The following TIAM1 variants were observed in gnomAD, a reference collection of about 807,000 sequenced individuals.
The protein encoded by TIAM1 is TIAM Rac1 associated GEF 1.
A neutral mutation model predicts 163.5 loss-of-function variants in TIAM1; 65 were observed. That is an observed-to-expected ratio of 0.40 (90% CI 0.33 to 0.49). TIAM1 has a LOEUF of 0.49. TIAM1 is among the 20% of genes least tolerant of loss of function. The pLI is 0.77. For synonymous variants in TIAM1, 833 were observed against 810.1 expected (o/e 1.03, Z -0.48); for missense variants, 1,789 against 2,044.7 (o/e 0.87, Z 2.41).
intron 13 of TIAM1, among the ~76,000 whole-genome samples, chr21:31,193,904 C>G (rs936968916): frequency 6.6e-6 from 1 of 152,146 alleles, no homozygotes; most frequent in Non-Finnish European, 1.5e-5. Flanking sequence ...GAACATGGCC[C>G]CCGCCAGGCA....
intron 1 of TIAM1, among the ~76,000 whole-genome samples, chr21:31,521,914 C>G (rs539996552): frequency 1.3e-5 from 2 of 152,230 alleles, no homozygotes; most frequent in South Asian, 2.1e-4. Context: ...CTCTGTCGCC[C>G]AGGCTGGAGT....
chr21:31,392,342 G>A (rs923151759), intron 2 of TIAM1, among the ~76,000 whole-genome samples: 18 of 152,090 alleles, frequency 1.2e-4, no homozygotes, highest in Admixed American at 3.3e-4. Context: ...AGGCAGAGGC[G>A]GGTAGATCAC....
intron 2 of TIAM1, among the ~76,000 whole-genome samples, chr21:31,281,846 A>G (rs115183104): frequency 0.012 from 1,884 of 152,132 alleles, 35 homozygotes; most frequent in African/African-American, 0.044. Context: ...TGGTGAATGG[A>G]TAATTGATGG....
intron 19 of TIAM1, among the ~76,000 whole-genome samples, chr21:31,152,047 TG>T (rs758996591): frequency 0.022 from 433 of 19,966 alleles, 37 homozygotes; most frequent in African/African-American, 0.08. Flanking sequence ...TTTTTTTTTT[TG>T]TAAGACGGAG....
chr21:31,183,112 T>A lies in TIAM1; in HGVS notation c.2663-467A>T, dbSNP rs1601449350. On this transcript the variant is annotated intron_variant, in intron 14 of 27. Transcript: ENST00000541036. The stretch of plus-strand genomic sequence containing the variant: ...TCCAAGGAACCAAAATGCAGGGCGT[T>A]CACTCTGGCTATGAGGACAGAAGTA... 2.6e-5 allele frequency among the ~76,000 whole-genome samples: 4 copies of A among 152,336 alleles called. No homozygotes were observed. The South Asian group carries it at 8.3e-4, about 32-fold the overall frequency.
intron 6 of TIAM1, 70 bp downstream of exon 6, chr21:31,245,418 G>A (rs1332681643): frequency 2.9e-6 from 3 of 1,046,106 alleles, no homozygotes; most frequent in Non-Finnish European, 3.8e-6. Flanking sequence ...GAGACTGGGT[G>A]CCTAGGCAAG....
intron 22 of TIAM1, among the ~76,000 whole-genome samples, chr21:31,140,110 T>C (rs1368740192): frequency 1.3e-5 from 2 of 152,146 alleles, no homozygotes; most frequent in Non-Finnish European, 2.9e-5. Flanking sequence ...TTTCAGAAAA[T>C]TATCCTTTAA....
chr21:31,276,141 G>A (rs1307401069), intron 3 of TIAM1, among the ~76,000 whole-genome samples: 1 of 152,002 alleles, frequency 6.6e-6, no homozygotes, highest in East Asian at 1.9e-4. Flanking sequence ...GCTTGAAGAC[G>A]GTGTTGGGGG....
chr21:31,547,703 C>T (rs1206334754), intron 1 of TIAM1, among the ~76,000 whole-genome samples: 1 of 152,194 alleles, frequency 6.6e-6, no homozygotes, highest in Non-Finnish European at 1.5e-5. Context: ...AACATTCACA[C>T]ATCTTTTCTA....
chr21:31,548,431 G>A (rs907352779), intron 1 of TIAM1, among the ~76,000 whole-genome samples: 8 of 151,062 alleles, frequency 5.3e-5, no homozygotes, highest in Admixed American at 1.3e-4. Flanking sequence ...GTGACCCACC[G>A]TGCCAGGCCA....
intron 2 of TIAM1, among the ~76,000 whole-genome samples, chr21:31,407,517 T>A (rs1226183258): frequency 1.3e-5 from 2 of 152,032 alleles, no homozygotes; most frequent in Non-Finnish European, 2.9e-5. Flanking sequence ...AGCCACTGGA[T>A]ACCCTGGTTA....
rs772856882 is a variant in TIAM1, at chr21:31,146,875, C to T, written c.3475+20G>A. On this transcript the variant is annotated intron_variant, in intron 20 of 27. Coordinates refer to ENST00000541036, the MANE Select transcript of TIAM1 (RefSeq NM_001353694.2). Reference sequence around the variant, plus strand: ...CTGACAAGCAACACACCCCCACCTCCACATCCTCAGAGGCCTTACCTTTCA... The same window carrying T: ...CTGACAAGCAACACACCCCCACCTCTACATCCTCAGAGGCCTTACCTTTCA... 3 of 1,603,680 alleles carry T rather than the reference C, an allele frequency of 1.9e-6. No individual in the cohort carries two copies. The highest frequency in any genetic ancestry group is 4.5e-5 in the East Asian group (2 of 44,818).
chr21:31,554,046 T>G (rs1255082883), intron 1 of TIAM1, among the ~76,000 whole-genome samples: 1 of 152,114 alleles, frequency 6.6e-6, no homozygotes, highest in Non-Finnish European at 1.5e-5. Context: ...TTAGCAGCTC[T>G]CAGGCAAGGT....
At chr21:31,530,406 C>G (rs992369590) in intron 1 of TIAM1, among the ~76,000 whole-genome samples, 1 of 152,212 alleles carries the variant, frequency 6.6e-6, no homozygotes, top group Admixed American at 6.5e-5. Flanking sequence ...TCCAAAAATC[C>G]CAAAATCCCC....
At chr21:31,179,171 G>A (rs569201914) in intron 15 of TIAM1, among the ~76,000 whole-genome samples, 58 of 151,550 alleles carry the variant, frequency 3.8e-4, no homozygotes, top group African/African-American at 1.3e-3. Context: ...CAGATCACCC[G>A]ATTTCGGGAG....
chr21:31,548,669 T>C (rs2123307496), intron 1 of TIAM1, among the ~76,000 whole-genome samples: 1 of 151,366 alleles, frequency 6.6e-6, no homozygotes, highest in South Asian at 2.1e-4. Context: ...TGTATTTTTT[T>C]CTAGAGATGG....
chr21:31,236,455 T>C (rs888524230), intron 6 of TIAM1, among the ~76,000 whole-genome samples: 4 of 151,990 alleles, frequency 2.6e-5, no homozygotes, highest in Admixed American at 6.6e-5. Context: ...ACAAAGAGAA[T>C]GAAGACCTCG....
intron 2 of TIAM1, 40 bp from the exon 3 acceptor site, chr21:31,276,948 GA>G: frequency 6.6e-6 from 1 of 152,342 alleles, no homozygotes. Context: ...AAAACAGAAA[GA>G]AAAGGATGAG....
upstream of TIAM1, among the ~76,000 whole-genome samples, chr21:31,344,863 G>A (rs2076117007): frequency 1.3e-5 from 2 of 152,106 alleles, no homozygotes; most frequent in South Asian, 4.1e-4. Flanking sequence ...CCTCTTCCTC[G>A]CTGAAATACA....
Sources: allele counts gnomAD v4.1 joint callset (sites outside exome capture counted in the v4.1 genomes callset), GRCh38; gene constraint gnomAD v4.1.1; transcripts MANE v1.5; gene names NCBI Gene and HGNC (gene_info 2026-07-23, HGNC 2026-07-21).